The following GPC5 variants were observed in gnomAD, a reference collection of about 807,000 sequenced individuals.
GPC5 encodes the protein glypican-5.
In GPC5, 47 loss-of-function variants were observed where a neutral mutation model predicts 53.9. The observed-to-expected ratio is 0.87, with a 90% CI of 0.69 to 1.11. GPC5 has a LOEUF of 1.11. GPC5 is among the 50% of genes most tolerant of loss of function. GPC5 has a pLI of 0.00. For missense variants in GPC5, 748 were observed against 713.1 expected, an observed-to-expected ratio of 1.05 and a Z score of -0.56; for synonymous variants, 286 against 263.3, an observed-to-expected ratio of 1.09 and a Z score of -0.84.
At chr13:91,860,073 C>T (rs1029253079) in intron 5 of GPC5, among the ~76,000 whole-genome samples, 1 of 152,036 alleles carries the variant, frequency 6.6e-6, no homozygotes, top group African/African-American at 2.4e-5. Context: ...GTTTTGGGAA[C>T]ATTCAATATC....
At chr13:91,679,137 G>A (rs1225754912) in intron 2 of GPC5, among the ~76,000 whole-genome samples, 1 of 151,914 alleles carries the variant, frequency 6.6e-6, no homozygotes, top group Non-Finnish European at 1.5e-5. Flanking sequence ...GGCAATATCT[G>A]GCAATGAGAA....
At chr13:91,897,046 TC>T (rs1291297284) in intron 5 of GPC5, among the ~76,000 whole-genome samples, 4 of 151,928 alleles carry the variant, frequency 2.6e-5, no homozygotes, top group Non-Finnish European at 5.9e-5. Flanking sequence ...CTCTTCTTCC[TC>T]CCCCTCCTCC....
intron 7 of GPC5, among the ~76,000 whole-genome samples, chr13:92,572,102 T>A (rs1490104262): frequency 2.0e-5 from 3 of 152,188 alleles, no homozygotes; most frequent in Non-Finnish European, 4.4e-5. Flanking sequence ...TTCATCTAGA[T>A]TAAATAAGAT....
rs1238242295 is a variant in GPC5, at chr13:92,365,654, TTTTTC to T, written c.1561+220675_1561+220679del. ...TACAACCTTTTTACTATTTTTAAAT[TTTTTC>T]TTTTCTTTTTTTTTTTACTTTGTAA... On this transcript the variant is annotated intron_variant, in intron 7 of 7. Transcript: ENST00000377067. Among the ~76,000 whole-genome samples, 54 of 151,574 alleles carry T rather than the reference TTTTTC, an allele frequency of 3.6e-4. 3 individuals are homozygous for T. The highest frequency in any genetic ancestry group is 1.1e-3 in the African/African-American group (47 of 41,000).
At chr13:92,240,050 A>G (rs181151934) in intron 7 of GPC5, 5 of 152,202 alleles carry the variant, frequency 3.3e-5, no homozygotes, top group Non-Finnish European at 5.9e-5. Context: ...GAAAAACTTC[A>G]CAAAAAATGA....
intron 2 of GPC5, among the ~76,000 whole-genome samples, chr13:91,551,032 T>C (rs1328562134): frequency 7.9e-5 from 12 of 152,164 alleles, no homozygotes; most frequent in Non-Finnish European, 1.8e-4. Flanking sequence ...GAGAACTGAC[T>C]AATACATCTA....
At chr13:92,748,488 T>G (rs1240801437) in intron 7 of GPC5, among the ~76,000 whole-genome samples, 1 of 151,578 alleles carries the variant, frequency 6.6e-6, no homozygotes, top group East Asian at 1.9e-4. Context: ...CCCTGCTAAT[T>G]GTTTGTAATT....
At chr13:91,412,559 G>T (rs2138947704) in intron 1 of GPC5, among the ~76,000 whole-genome samples, 1 of 152,060 alleles carries the variant, frequency 6.6e-6, no homozygotes, top group South Asian at 2.1e-4. Flanking sequence ...TATACCATGT[G>T]AAATGAAAAA....
chr13:91,547,659 C>CA (rs1301392633), intron 2 of GPC5, among the ~76,000 whole-genome samples: 1 of 152,004 alleles, frequency 6.6e-6, no homozygotes, highest in Non-Finnish European at 1.5e-5. Context: ...TAGCATCACT[C>CA]TAATACCAAA....
At chr13:91,812,042 G>A (rs1351657461) in intron 5 of GPC5, among the ~76,000 whole-genome samples, 5 of 152,246 alleles carry the variant, frequency 3.3e-5, no homozygotes, top group Middle Eastern at 3.4e-3. Context: ...TAAAGTGGCG[G>A]GTAGTACCTG....
rs558728501 is a variant in GPC5 at position 92,452,678 on chromosome 13, C to A, written c.1561+307689C>A. 2.6e-5 allele frequency among the ~76,000 whole-genome samples: 4 copies of A among 152,142 alleles called. No homozygotes were observed. In the South Asian group the frequency reaches 8.3e-4, roughly 32 times the overall value. ...TGCCTCCCAGGTTCAAGTGATTCTC[C>A]TACCTCAGCCTCCCTAGTATCTGGG... On this transcript the variant is annotated intron_variant, in intron 7 of 7. Coordinates refer to ENST00000377067, the MANE Select transcript of GPC5 (RefSeq NM_004466.6).
intron 7 of GPC5, among the ~76,000 whole-genome samples, chr13:92,451,357 A>C (rs1878055142): frequency 6.6e-6 from 1 of 152,092 alleles, no homozygotes. Context: ...GTCTAGGTCT[A>C]CTCAGGACAT....
intron 5 of GPC5, among the ~76,000 whole-genome samples, chr13:91,833,587 A>G (rs1488628980): frequency 6.6e-6 from 1 of 152,064 alleles, no homozygotes; most frequent in East Asian, 1.9e-4. Context: ...ATGGTTCAAC[A>G]TATGCAAATC....
At chr13:91,946,055 A>G (rs1426507814) in intron 6 of GPC5, among the ~76,000 whole-genome samples, 1 of 151,796 alleles carries the variant, frequency 6.6e-6, no homozygotes. Context: ...GGGTTCATGT[A>G]TTTGCTTGTG....
chr13:92,728,206 G>T lies in GPC5; in HGVS notation c.1562-138076G>T, dbSNP rs1417277661. Among the ~76,000 whole-genome samples, 5 of 151,440 alleles carry T rather than the reference G, an allele frequency of 3.3e-5. No individual in the cohort carries two copies. In the East Asian group the frequency reaches 9.7e-4, roughly 29 times the overall value. ...GAACTGATTTCTTTACCATTATGAA[G>T]TCAAAGACAGTTTCTCTTCTACATG... is the stretch of plus-strand genomic sequence containing the variant. On this transcript the variant is annotated intron_variant, in intron 7 of 7. Coordinates refer to ENST00000377067, the MANE Select transcript of GPC5 (RefSeq NM_004466.6).
In GPC5 at chr13:91,713,346, C is replaced by T. The variant is rs996187477; in HGVS notation, c.1021-15186C>T. On this transcript the variant is annotated intron_variant, in intron 3 of 7. Coordinates refer to ENST00000377067, the MANE Select transcript of GPC5 (RefSeq NM_004466.6). ...CCCACCCCCCTTTAAAATACTTTCTCGAATGCCTAAATAGTCAGACTTGGC... is the reference window on the plus strand; with the variant it reads ...CCCACCCCCCTTTAAAATACTTTCTTGAATGCCTAAATAGTCAGACTTGGC... 1.2e-4 allele frequency among the ~76,000 whole-genome samples: 18 copies of T among 148,260 alleles called. No individual in the cohort carries two copies. In the East Asian group the frequency reaches 3.6e-3, roughly 30 times the overall value.
At chr13:92,800,868 C>T (rs934268265) in intron 7 of GPC5, among the ~76,000 whole-genome samples, 1 of 151,690 alleles carries the variant, frequency 6.6e-6, no homozygotes, top group South Asian at 2.1e-4. Flanking sequence ...AAAATAATAT[C>T]GTTACTATCC....
rs543468958 is a variant in GPC5, at chr13:92,311,793, A to G, written c.1561+166804A>G. Among the ~76,000 whole-genome samples, 29 of 152,250 alleles carry G rather than the reference A, an allele frequency of 1.9e-4. No individual in the cohort carries two copies. The East Asian group carries it at 5.4e-3, about 28-fold the overall frequency. On this transcript the variant is annotated intron_variant, in intron 7 of 7. Transcript: ENST00000377067. Reference sequence around the variant, plus strand: ...GTGGGAATTATGGGAGCTATTCAAGATGAGATTTGGGTGGGGACACAGCCA... The same window carrying G: ...GTGGGAATTATGGGAGCTATTCAAGGTGAGATTTGGGTGGGGACACAGCCA...
At chr13:92,172,952 T>C (rs895653928) in intron 7 of GPC5, among the ~76,000 whole-genome samples, 1 of 105,226 alleles carries the variant, frequency 9.5e-6, no homozygotes, top group Middle Eastern at 6.7e-3. Flanking sequence ...TATTTTAATT[T>C]GACTATACCT....
Sources: allele counts gnomAD v4.1 joint callset (sites outside exome capture counted in the v4.1 genomes callset), GRCh38; gene constraint gnomAD v4.1.1; transcripts MANE v1.5; gene names NCBI Gene and HGNC (gene_info 2026-07-23, HGNC 2026-07-21).